CAMK2D: variants seen among roughly 807,000 people sequenced by gnomAD.
CAMK2D encodes the protein calcium/calmodulin-dependent protein kinase type II subunit delta.
In CAMK2D, 37 loss-of-function variants were observed where a neutral mutation model predicts 84.0. That is an observed-to-expected ratio of 0.44 (90% confidence interval 0.34 to 0.58). The LOEUF is 0.58. CAMK2D is among the 20% of genes least tolerant of loss of function. CAMK2D has a pLI of 0.02. For synonymous variants in CAMK2D, 202 were observed against 212.5 expected (o/e 0.95, Z 0.43); for missense variants, 448 against 652.5 (o/e 0.69, Z 3.41).
Position 113,505,032 on chromosome 4 carries a change from T to TTA in CAMK2D, c.986_987dup (p.Asn330Ter), listed in dbSNP as rs770697634. 1 of 1,575,404 alleles carries TTA rather than the reference T, an allele frequency of 6.3e-7. No individual in the cohort carries two copies. Among genetic ancestry groups the TTA allele is most frequent in the African/African-American group, 1.3e-5 (1 of 74,260 alleles). ...CTGGTTACCACGTTGGCTTTGTTGT[T>TTA]TATCTGTGGGTATGCAGAAAATAGA... On this transcript the variant is annotated frameshift_variant, in exon 14 of 21. Transcript: ENST00000511664. LOFTEE classifies it high-confidence loss of function.
At chr4:113,470,503 T>C (rs2097534422) in intron 16 of CAMK2D, among the ~76,000 whole-genome samples, 1 of 152,064 alleles carries the variant, frequency 6.6e-6, no homozygotes, top group African/African-American at 2.4e-5. Flanking sequence ...CTAGGTGTGG[T>C]GGCACGCACA....
chr4:113,498,400 G>T (rs1002767489), intron 16 of CAMK2D, among the ~76,000 whole-genome samples: 5 of 152,030 alleles, frequency 3.3e-5, no homozygotes, highest in Admixed American at 6.6e-5. Context: ...ATATTAAAAG[G>T]GTTAGTCTCC....
At chr4:113,470,695 C>T (rs886204498) in intron 16 of CAMK2D, among the ~76,000 whole-genome samples, 2 of 151,710 alleles carry the variant, frequency 1.3e-5, no homozygotes, top group Non-Finnish European at 2.9e-5. Context: ...CAGGTCCCCG[C>T]GATGTTATGA....
intron 12 of CAMK2D, among the ~76,000 whole-genome samples, chr4:113,510,269 C>T (rs1453648662): frequency 6.6e-6 from 1 of 152,138 alleles, no homozygotes; most frequent in African/African-American, 2.4e-5. Flanking sequence ...ATGTTTAGCA[C>T]ATGATCTCTA....
At chr4:113,646,646 G>A (rs2099153138) in intron 3 of CAMK2D, among the ~76,000 whole-genome samples, 1 of 152,182 alleles carries the variant, frequency 6.6e-6, no homozygotes, top group African/African-American at 2.4e-5. Context: ...AATGCAAGGA[G>A]CCCAGAGGGG....
intron 14 of CAMK2D, chr4:113,503,286 TTTCC>T: frequency 1.7e-6 from 1 of 597,978 alleles, no homozygotes; most frequent in African/African-American, 1.8e-5. Flanking sequence ...AATCCTATGC[TTTCC>T]TTTCTTCTTT....
chr4:113,530,322 T>C (rs2079118), intron 8 of CAMK2D, among the ~76,000 whole-genome samples: 144 of 152,132 alleles, frequency 9.5e-4, no homozygotes, highest in Middle Eastern at 3.4e-3. Flanking sequence ...ATTTTAAATA[T>C]TTTTTAGCAT....
chr4:113,631,661 G>C (rs2099090226), intron 3 of CAMK2D, among the ~76,000 whole-genome samples: 1 of 152,116 alleles, frequency 6.6e-6, no homozygotes, highest in South Asian at 2.1e-4. Context: ...TATTGTCGTT[G>C]GCATCTATTT....
intron 2 of CAMK2D, among the ~76,000 whole-genome samples, chr4:113,674,308 T>A (rs956108370): frequency 3.9e-5 from 6 of 152,168 alleles, no homozygotes; most frequent in African/African-American, 7.2e-5. Flanking sequence ...AGAGTGGTAT[T>A]CTCAATTAAT....
At chr4:113,605,162 C>T (rs188484735) in intron 4 of CAMK2D, among the ~76,000 whole-genome samples, 97 of 152,310 alleles carry the variant, frequency 6.4e-4, no homozygotes, top group Non-Finnish European at 1.1e-3. Context: ...GACAGGGAGT[C>T]GACAGCAGAT....
chr4:113,753,661 A>T, intron 2 of CAMK2D: 1 of 393,664 alleles, frequency 2.5e-6, no homozygotes, highest in Non-Finnish European at 3.5e-6. Context: ...ATTTTATTCT[A>T]AAAATAACTG....
chr4:113,753,729 A>C, intron 2 of CAMK2D: 1 of 892,330 alleles, frequency 1.1e-6, no homozygotes. Flanking sequence ...TGTTATAATC[A>C]GATATTTAAA....
chr4:113,562,960 A>C (rs1351391610), intron 4 of CAMK2D, among the ~76,000 whole-genome samples: 1 of 151,820 alleles, frequency 6.6e-6, no homozygotes, highest in Non-Finnish European at 1.5e-5. Flanking sequence ...GTGGACTTAA[A>C]AATAAAATGC....
At chr4:113,579,039 T>A (rs990377725) in intron 4 of CAMK2D, among the ~76,000 whole-genome samples, 4 of 12,298 alleles carry the variant, frequency 3.3e-4, no homozygotes, top group Non-Finnish European at 9.8e-4. Context: ...AGGCAAACTG[T>A]ACAAATCAGG....
chr4:113,687,657 T>A (rs755471401), intron 2 of CAMK2D, among the ~76,000 whole-genome samples: 1 of 152,214 alleles, frequency 6.6e-6, no homozygotes, highest in Non-Finnish European at 1.5e-5. Context: ...ATCTGGCACA[T>A]CCTTCATATG....
intron 2 of CAMK2D, among the ~76,000 whole-genome samples, chr4:113,756,456 T>C (rs915778951): frequency 6.6e-6 from 1 of 151,974 alleles, no homozygotes; most frequent in African/African-American, 2.4e-5. Context: ...CACAAAAGCT[T>C]CCATATGCAA....
intron 2 of CAMK2D, chr4:113,753,645 A>T: frequency 3.0e-6 from 1 of 329,106 alleles, no homozygotes; most frequent in Non-Finnish European, 4.4e-6. Flanking sequence ...TACGTCATTT[A>T]AAATAATTTT....
chr4:113,646,197 T>A (rs759230092), intron 3 of CAMK2D, among the ~76,000 whole-genome samples: 5 of 152,188 alleles, frequency 3.3e-5, no homozygotes, highest in Non-Finnish European at 7.3e-5. Flanking sequence ...TTTCTCTTAA[T>A]AGAAGTGTTT....
chr4:113,646,940 CT>C (rs1439579140), intron 3 of CAMK2D, among the ~76,000 whole-genome samples: 2 of 152,124 alleles, frequency 1.3e-5, no homozygotes, highest in Non-Finnish European at 2.9e-5. Flanking sequence ...CATCATAAAC[CT>C]CCAACCTATT....
Sources: gnomAD v4.1 joint callset for allele counts (sites outside exome capture counted in the v4.1 genomes callset) on GRCh38, gnomAD v4.1.1 for gene constraint, MANE v1.5 for transcripts, NCBI Gene and HGNC (gene_info 2026-07-23, HGNC 2026-07-21) for gene names.